The following PPFIBP2 variants were observed in gnomAD, a reference collection of about 807,000 sequenced individuals.
The protein encoded by PPFIBP2 is liprin-beta-2.
In PPFIBP2, 118 loss-of-function variants were observed where a neutral mutation model predicts 118.3. The ratio of observed to expected loss-of-function variants is 1.00; its 90% CI spans 0.86 to 1.16. The LOEUF is 1.16. Ranked by LOEUF, PPFIBP2 falls within the 50% of genes most tolerant of loss-of-function variation. The pLI, the probability that PPFIBP2 is intolerant of heterozygous loss-of-function variation, is 0.00. For missense variants in PPFIBP2, 1,195 were observed against 1,073.1 expected, an observed-to-expected ratio of 1.11 and a Z score of -1.59; for synonymous variants, 414 against 397.4, an observed-to-expected ratio of 1.04 and a Z score of -0.50.
At chr11:7,586,157 G>GT (rs775805485) in intron 3 of PPFIBP2, among the ~76,000 whole-genome samples, 41 of 152,176 alleles carry the variant, frequency 2.7e-4, no homozygotes, top group Middle Eastern at 3.4e-3. Context: ...TTTTTGTTTT[G>GT]TTTTTTCATT....
downstream of PPFIBP2, chr11:7,656,948 T>C (rs1424657356): frequency 2.0e-6 from 1 of 499,202 alleles, no homozygotes; most frequent in Non-Finnish European, 3.5e-6. Flanking sequence ...GAAGCAGAGC[T>C]GTGGGACAGG....
chr11:7,661,823 G>T (rs1693243362), downstream of PPFIBP2, among the ~76,000 whole-genome samples: 1 of 98,682 alleles, frequency 1.0e-5, no homozygotes, highest in South Asian at 3.5e-4. Flanking sequence ...TTATGAATCT[G>T]GGTGCTCCTG....
intron 5 of PPFIBP2, among the ~76,000 whole-genome samples, chr11:7,607,751 C>T (rs184446515): frequency 9.2e-5 from 14 of 152,176 alleles, no homozygotes; most frequent in Admixed American, 7.8e-4. Context: ...AGCTGGGAAG[C>T]TCACATGTAC....
intron 3 of PPFIBP2, among the ~76,000 whole-genome samples, chr11:7,579,436 C>A (rs1856935213): frequency 1.3e-5 from 2 of 151,920 alleles, no homozygotes; most frequent in East Asian, 3.9e-4. Flanking sequence ...TTTGCATCAT[C>A]TTAGGTTTTT....
the PPFIBP2 span, chr11:7,665,387 A>G: frequency 5.1e-6 from 8 of 1,576,284 alleles, no homozygotes; most frequent in Non-Finnish European, 6.9e-6. Context: ...GTAGGTGAAA[A>G]TCATGTCCTG....
intron 3 of PPFIBP2, among the ~76,000 whole-genome samples, chr11:7,566,896 T>C (rs915371746): frequency 1.3e-5 from 2 of 152,206 alleles, no homozygotes; most frequent in African/African-American, 2.4e-5. Context: ...AGAAATCACC[T>C]TGAGCCTCTT....
downstream of PPFIBP2, among the ~76,000 whole-genome samples, chr11:7,659,217 C>A (rs1854837532): frequency 1.4e-5 from 2 of 148,036 alleles, no homozygotes; most frequent in African/African-American, 5.0e-5. Context: ...GAAGTCCTTG[C>A]CCATGCCTAT....
At chr11:7,652,313 G>T (rs1854160969) in intron 23 of PPFIBP2, among the ~76,000 whole-genome samples, 1 of 152,206 alleles carries the variant, frequency 6.6e-6, no homozygotes, top group African/African-American at 2.4e-5. Flanking sequence ...GATACCCAGA[G>T]GTCCCCAGGT....
At chr11:7,662,323 G>A in the PPFIBP2 span, among the ~76,000 whole-genome samples, 2 of 152,178 alleles carry the variant, frequency 1.3e-5, no homozygotes, top group Admixed American at 6.5e-5. Flanking sequence ...TCCTTCAGGA[G>A]CTCTTTTAGG....
rs747805038 is a variant in PPFIBP2 at position 7,616,769 on chromosome 11, T to C, written c.619-4166T>C. Among the ~76,000 whole-genome samples, 2 of 138,590 alleles carry C rather than the reference T, an allele frequency of 1.4e-5. No homozygotes were observed. Among genetic ancestry groups the C allele is most frequent in the Non-Finnish European group, 3.0e-5 (2 of 66,548 alleles). 90.9% of individuals were successfully genotyped at this position (138,590 alleles called of 152,430 possible). A position where few individuals can be genotyped will look rare whatever the true frequency, so the allele number is the denominator to read the frequency against. ...CATATGTGGAGAGAGGACGTGTTTG[T>C]GTGTGTGCCCCAGTGTGCACCCATC... On this transcript the variant is annotated intron_variant, in intron 6 of 23. Transcript: ENST00000299492. The surrounding 1 kb of genome is among the most constrained non-coding windows in gnomAD (Gnocchi z 5.2).
chr11:7,648,821 C>G lies in PPFIBP2; in HGVS notation c.1819C>G (p.Leu607Val). The G allele has an allele frequency of 1.9e-6, 3 of 1,614,062 alleles. No individual in the cohort carries two copies. The highest frequency in any genetic ancestry group is 1.7e-6 in the Non-Finnish European group (2 of 1,180,012). ...TCAGGAGCTAGGAATTAAGCACCCA[C>G]TCCACAGGAAGAAGCTTGTTTTAGC... ...MEKELGIKHP[L>V]HRKKLVLAVK... Residue 607 changes from leucine (L) to valine (V), a missense_variant, in exon 19 of 24, where the codon CTC becomes GTC. By Grantham distance (32) the Leu-to-Val change is conservative. Transcript: ENST00000299492.
chr11:7,639,918 C>T, intron 15 of PPFIBP2, 48 bp downstream of exon 15: 1 of 1,578,450 alleles, frequency 6.3e-7, no homozygotes, highest in Non-Finnish European at 8.6e-7. Flanking sequence ...GTGTCCTTGG[C>T]ACTTTCAATG....
At chr11:7,549,163 A>T (rs2134525002) in intron 1 of PPFIBP2, among the ~76,000 whole-genome samples, 1 of 152,228 alleles carries the variant, frequency 6.6e-6, no homozygotes, top group South Asian at 2.1e-4. Context: ...ACACCTGGTG[A>T]GGTGTTAACA....
In PPFIBP2 at chr11:7,597,671, C is replaced by T; in HGVS notation, c.484C>T (p.Gln162Ter). ...CAATGCTGCTGAAGAGATGCTTCAA[C>T]AGGTAAGGGCGGGTGCACTGAAGGC... is the stretch of plus-strand genomic sequence containing the variant. ...KLNAAEEMLQQELLSRTSLET... is the reference protein window; with the variant it reads ...KLNAAEEMLQ The change falls in exon 5 of 24, where the codon CAG (glutamine) becomes TAG (stop). Residue 162 changes from glutamine (Q) to a stop codon, truncating the protein, a stop_gained and splice_region_variant. Coordinates refer to ENST00000299492, the MANE Select transcript of PPFIBP2 (RefSeq NM_003621.5). LOFTEE classifies it high-confidence loss of function. The T allele has an allele frequency of 1.2e-6, 2 of 1,613,306 alleles. No homozygotes were observed. The highest frequency in any genetic ancestry group is 1.7e-6 in the Non-Finnish European group (2 of 1,179,450).
intron 1 of PPFIBP2, among the ~76,000 whole-genome samples, chr11:7,520,321 T>C (rs7481375): frequency 0.59 from 89,184 of 151,662 alleles, 26,559 homozygotes; most frequent in African/African-American, 0.64. Context: ...GTCTTCCGGT[T>C]GGGGTGGGTA....
Position 7,593,114 on chromosome 11 carries a change from T to C in PPFIBP2, c.280-18T>C. The C allele has an allele frequency of 6.2e-7, 1 of 1,606,584 alleles. No homozygotes were observed. Among genetic ancestry groups the C allele is most frequent in the Non-Finnish European group, 8.5e-7 (1 of 1,178,086 alleles). Reference sequence around the variant, plus strand: ...TTCCAACCTTTTAAGTGTATTCTTTTTTTTCTGTCCTCTTTAGTCCCAGGT... The same window carrying C: ...TTCCAACCTTTTAAGTGTATTCTTTCTTTTCTGTCCTCTTTAGTCCCAGGT... On this transcript the variant is annotated intron_variant, in intron 3 of 23. Coordinates refer to ENST00000299492, the MANE Select transcript of PPFIBP2 (RefSeq NM_003621.5).
At chr11:7,610,493 G>A in intron 6 of PPFIBP2, 71 bp downstream of exon 6, 1 of 1,576,930 alleles carries the variant, frequency 6.3e-7, no homozygotes, top group Non-Finnish European at 8.6e-7. Flanking sequence ...TAGGCCATCT[G>A]GTCAACTCCC....
rs1849939621 is a variant in PPFIBP2 at position 7,625,885 on chromosome 11, G to C, written c.820G>C (p.Glu274Gln). 15 of 1,613,744 alleles carry C rather than the reference G, an allele frequency of 9.3e-6. No individual in the cohort carries two copies. Among genetic ancestry groups the C allele is most frequent in the Non-Finnish European group, 1.2e-5 (14 of 1,179,630 alleles). The change falls in exon 8 of 24, where the codon GAG becomes CAG. Residue 274 changes from glutamate to glutamine, a missense_variant. By Grantham distance (29) the Glu-to-Gln change is conservative. Transcript: ENST00000299492. The stretch of plus-strand genomic sequence containing the variant: ...AGCTCTCCACAGTGAGAGTCACACA[G>C]AGAGAGGTGACTAGCTTGACTCTGA... ...TAALHSESHT[E>Q]RDQEIQRLKM...
In PPFIBP2 at chr11:7,648,833, A is replaced by C. The variant is rs1342651483; in HGVS notation, c.1831A>C (p.Lys611Gln). 8.1e-6 allele frequency: 13 copies of C among 1,614,020 alleles called. No homozygotes were observed. Among genetic ancestry groups the C allele is most frequent in the Non-Finnish European group, 1.1e-5 (13 of 1,180,030 alleles). Reference sequence around the variant, plus strand: ...AATTAAGCACCCACTCCACAGGAAGAAGCTTGTTTTAGCAGTGAAAGCCAT... The same window carrying C: ...AATTAAGCACCCACTCCACAGGAAGCAGCTTGTTTTAGCAGTGAAAGCCAT... ...LGIKHPLHRK[K>Q]LVLAVKAINT... Residue 611 changes from lysine (K) to glutamine (Q), a missense_variant, in exon 19 of 24, where the codon AAG (lysine) becomes CAG (glutamine). Physicochemically the swap from Lys to Gln is moderately conservative, Grantham distance 53 (BLOSUM62 1). Coordinates refer to ENST00000299492, the MANE Select transcript of PPFIBP2 (RefSeq NM_003621.5).
Sources: gnomAD v4.1 joint callset for allele counts (sites outside exome capture counted in the v4.1 genomes callset) on GRCh38, gnomAD v4.1.1 for gene constraint, Gnocchi (gnomAD v3.1) non-coding constraint, MANE v1.5 for transcripts, NCBI Gene and HGNC (gene_info 2026-07-23, HGNC 2026-07-21) for gene names.